Variants in LLGL2 observed in about 807,000 individuals in gnomAD.
LLGL2 encodes LLGL scribble cell polarity complex component 2, also known as LLGL2, scribble cell polarity complex component.
Under a neutral mutation model 123.2 loss-of-function variants are expected in LLGL2, and 81 were observed. That is an observed-to-expected ratio of 0.66 (90% CI 0.55 to 0.79). The LOEUF is 0.79. Ranked by LOEUF, LLGL2 falls within the 30% of genes least tolerant of loss-of-function variation. The pLI, the probability that LLGL2 is intolerant of heterozygous loss-of-function variation, is 0.00. For missense variants in LLGL2, 1,273 were observed against 1,414.6 expected (o/e 0.90, Z 1.61); for synonymous variants, 577 against 594.1 (o/e 0.97, Z 0.42).
intron 6 of LLGL2, among the ~76,000 whole-genome samples, chr17:75,562,064 GGGTCCAGGC>G (rs2055244545): frequency 6.6e-6 from 1 of 152,164 alleles, no homozygotes; most frequent in Admixed American, 6.5e-5. Flanking sequence ...AGTGTGGCTT[GGGTCCAGGC>G]TGGGTCCACT....
chr17:75,563,434 C>T lies in LLGL2; in HGVS notation c.797C>T (p.Pro266Leu), dbSNP rs143518179. 538 of 1,612,804 alleles carry T rather than the reference C, an allele frequency of 3.3e-4. 4 individuals are homozygous for T. The highest frequency in any genetic ancestry group is 2.6e-3 in the South Asian group (237 of 91,076). ...CCCGTGTCCAGCGAAGCCCAGCAAC[C>T]AGAGCCCCTCCGCAGCCTCGTGCCT... ...QWPVSSEAQQ[P>L]EPLRSLVPYG... Residue 266 changes from proline (P) to leucine (L), a missense_variant, in exon 8 of 26, where the codon CCA becomes CTA. Coordinates refer to ENST00000392550, the MANE Select transcript of LLGL2 (RefSeq NM_001031803.2).
intron 1 of LLGL2, among the ~76,000 whole-genome samples, chr17:75,528,479 C>T (rs954030835): frequency 3.9e-5 from 6 of 152,088 alleles, no homozygotes; most frequent in African/African-American, 1.2e-4. Flanking sequence ...TGGCTTACAC[C>T]TGTAATCTCA....
intron 3 of LLGL2, among the ~76,000 whole-genome samples, chr17:75,556,677 C>A (rs1033785139): frequency 9.9e-5 from 15 of 152,186 alleles, no homozygotes; most frequent in African/African-American, 3.6e-4. Flanking sequence ...CCCTTCTGTG[C>A]CCCTGCCTCC....
rs576444227 is a variant in LLGL2 at position 75,558,369 on chromosome 17, C to T, written c.255+133C>T. The T allele has an allele frequency of 3.6e-5, 42 of 1,152,000 alleles. No individual in the cohort carries two copies. The African/African-American group carries it at 6.0e-4, about 16-fold the overall frequency. The allele number at this position is 1,152,000 out of a possible 1,614,324, so 71.4% of individuals were successfully genotyped here. ...CTGCTGATGGAAAGACCTGGGACCC[C>T]CTCCCTTTCCACAGCTGGGGCTCAT... On this transcript the variant is annotated intron_variant, in intron 4 of 25. Coordinates refer to ENST00000392550, the MANE Select transcript of LLGL2 (RefSeq NM_001031803.2). The surrounding 1 kb of genome is among the most constrained non-coding windows in gnomAD (Gnocchi z 4.0).
At chr17:75,526,315 C>T (rs1322588905) in intron 1 of LLGL2, among the ~76,000 whole-genome samples, 2 of 152,222 alleles carry the variant, frequency 1.3e-5, no homozygotes, top group Admixed American at 6.5e-5. Flanking sequence ...GCCTCCTAAT[C>T]CCCGGACGCA....
Position 75,564,652 on chromosome 17 carries a change from CAGG to C in LLGL2, c.1036+148_1036+150del. The C allele has an allele frequency of 7.3e-7, 1 of 1,376,850 alleles. No homozygotes were observed. Among genetic ancestry groups the C allele is most frequent in the Non-Finnish European group, 9.8e-7 (1 of 1,025,420 alleles). The allele number at this position is 1,376,850 out of a possible 1,614,324, so 85.3% of individuals were successfully genotyped here. On this transcript the variant is annotated intron_variant, in intron 10 of 25. Coordinates refer to ENST00000392550, the MANE Select transcript of LLGL2 (RefSeq NM_001031803.2). This position sits in a 1 kb window ranked among gnomAD's most constrained non-coding sequence, Gnocchi z 4.9. ...CCAAGGTGGTAGGATCGCTTGAACC[CAGG>C]AGTTCAAGTCCAGCCTGGACAACGT...
At chr17:75,538,776 A>G (rs2054100078) in intron 1 of LLGL2, 2 of 152,238 alleles carry the variant, frequency 1.3e-5, no homozygotes, top group Non-Finnish European at 2.9e-5. Context: ...AGGTATCTGG[A>G]GGAAAGTGAC....
chr17:75,549,570 G>A lies in LLGL2; in HGVS notation c.75+6069G>A, dbSNP rs1252942374. ...AATGGCTGGGCCCCTGGTGTCAGGT[G>A]ACAGCAGCCACACAGGGAGGGCCAG... is the stretch of plus-strand genomic sequence containing the variant. On this transcript the variant is annotated intron_variant, in intron 2 of 25. Transcript: ENST00000392550. This position sits in a 1 kb window ranked among gnomAD's most constrained non-coding sequence, Gnocchi z 4.0. Among the ~76,000 whole-genome samples, 10 of 152,174 alleles carry A rather than the reference G, an allele frequency of 6.6e-5. No individual in the cohort carries two copies. The highest frequency in any genetic ancestry group is 6.5e-4 in the Admixed American group (10 of 15,282).
In LLGL2 at chr17:75,559,076, C is replaced by CT; in HGVS notation, c.372-175dup. 2 of 700,982 alleles carry CT rather than the reference C, an allele frequency of 2.9e-6. No individual in the cohort carries two copies. The highest frequency in any genetic ancestry group is 2.0e-5 in the South Asian group (1 of 49,868). The allele number at this position is 700,982 out of a possible 1,614,324, so 43.4% of individuals were successfully genotyped here. On this transcript the variant is annotated intron_variant, in intron 5 of 25. Coordinates refer to ENST00000392550, the MANE Select transcript of LLGL2 (RefSeq NM_001031803.2). The surrounding 1 kb of genome is among the most constrained non-coding windows in gnomAD (Gnocchi z 4.6). Reference sequence around the variant, plus strand: ...TCTTTCCTGCCTCCTAGCCCAGGCTCTCTGCCATCTGTCTCCTGTCTTGGC... The same window carrying CT: ...TCTTTCCTGCCTCCTAGCCCAGGCTCTTCTGCCATCTGTCTCCTGTCTTGGC...
At chr17:75,547,692 G>A (rs12951026) in intron 2 of LLGL2, among the ~76,000 whole-genome samples, 69,189 of 151,878 alleles carry the variant, frequency 0.46, 16,224 homozygotes, top group African/African-American at 0.51. Context: ...GGGTGTGGTG[G>A]CACACGCCTG....
chr17:75,572,143 G>A, intron 19 of LLGL2, 79 bp downstream of exon 19: 1 of 1,391,166 alleles, frequency 7.2e-7, no homozygotes, highest in South Asian at 1.2e-5. Context: ...AAAAATGATG[G>A]CTGGGACTCA....
rs1412176061 is a variant in LLGL2, at chr17:75,571,020, A to G, written c.2096A>G (p.Lys699Arg). The change falls in exon 17 of 26, where the codon AAG (lysine) becomes AGG (arginine). Residue 699 changes from lysine (K) to arginine (R), a missense_variant. Lys to Arg is a conservative substitution (Grantham distance 26, BLOSUM62 2). Coordinates refer to ENST00000392550, the MANE Select transcript of LLGL2 (RefSeq NM_001031803.2). ...ATGGAGCTGGCGCCTGTGCAGCGCA[A>G]GATCGAGGCTCGCTCGGCAGAGGAC... ...QNMELAPVQR[K>R]IEARSAEDSF... 1 of 1,612,988 alleles carries G rather than the reference A, an allele frequency of 6.2e-7. No individual in the cohort carries two copies. The highest frequency in any genetic ancestry group is 8.5e-7 in the Non-Finnish European group (1 of 1,179,978).
intron 1 of LLGL2, chr17:75,532,693 G>C (rs996462601): frequency 6.6e-6 from 1 of 152,254 alleles, no homozygotes; most frequent in African/African-American, 2.4e-5. Flanking sequence ...CCAAAGTGCT[G>C]GGATTACAGG....
chr17:75,563,655 T>C, intron 8 of LLGL2, 97 bp from the exon 9 acceptor site: 3 of 1,501,914 alleles, frequency 2.0e-6, no homozygotes, highest in Non-Finnish European at 2.8e-6. Flanking sequence ...AGGTCTACCA[T>C]GTGGATGTGG....
At chr17:75,572,118 G>T in intron 19 of LLGL2, 54 bp downstream of exon 19, 1 of 1,558,864 alleles carries the variant, frequency 6.4e-7, no homozygotes, top group Non-Finnish European at 8.7e-7. Flanking sequence ...CATCCAGGAG[G>T]CTCGGACCTT....
rs371125810 is a variant in LLGL2 at position 75,571,743 on chromosome 17, C to T, written c.2253C>T (p.Pro751=). 284 of 1,608,942 alleles carry T rather than the reference C, an allele frequency of 1.8e-4. No individual in the cohort carries two copies. Among genetic ancestry groups the T allele is most frequent in the Non-Finnish European group, 2.2e-4 (260 of 1,179,976 alleles). ...TIYAFSLRVP[P]AERRMDEPVR... is the part of the protein sequence containing the mutation. ...ATGCCTTCTCCCTGCGTGTGCCTCC[C>T]GCCGAGCGGAGAATGGATGAGCCTG... Residue 751 remains proline, a synonymous_variant, in exon 18 of 26, where the codon CCC becomes CCT. Coordinates refer to ENST00000392550, the MANE Select transcript of LLGL2 (RefSeq NM_001031803.2).
In LLGL2 at chr17:75,562,982, G is replaced by A. The variant is rs76794203; in HGVS notation, c.531-34G>A. On this transcript the variant is annotated intron_variant, in intron 6 of 25. Transcript: ENST00000392550. The stretch of plus-strand genomic sequence containing the variant: ...CTGGGGGCCATTCCCCCTGGTGGAC[G>A]GCATCGGAGGCTCACGGCACTCCCC... 6,811 of 1,605,400 alleles carry A rather than the reference G, an allele frequency of 4.2e-3. 219 individuals carry two copies. The African/African-American group carries it at 0.08, about 19-fold the overall frequency.
chr17:75,536,471 G>A (rs62088478), intron 1 of LLGL2, among the ~76,000 whole-genome samples: 22,434 of 152,150 alleles, frequency 0.15, 2,022 homozygotes, highest in African/African-American at 0.24. Flanking sequence ...CTGTCTCCCC[G>A]CCTTTCCGGG....
chr17:75,560,825 A>AC (rs2055180092), intron 6 of LLGL2, among the ~76,000 whole-genome samples: 2 of 108,198 alleles, frequency 1.8e-5, no homozygotes, highest in South Asian at 2.4e-4. Context: ...AAAAAAAAAA[A>AC]AAAAAAACAA....
Sources: allele counts gnomAD v4.1 joint callset (sites outside exome capture counted in the v4.1 genomes callset), GRCh38; gene constraint gnomAD v4.1.1; non-coding constraint Gnocchi (gnomAD v3.1); transcripts MANE v1.5; gene names NCBI Gene and HGNC (gene_info 2026-07-23, HGNC 2026-07-21).